Variants in UNC5D observed in about 807,000 individuals in gnomAD.
The protein encoded by UNC5D is unc-5 netrin receptor D.
Under a neutral mutation model 105.4 loss-of-function variants are expected in UNC5D, and 39 were observed. The observed-to-expected ratio is 0.37, with a 90% CI of 0.29 to 0.48. The LOEUF (loss-of-function observed/expected upper bound fraction) is 0.48, where lower values mean the gene tolerates loss of function less well. Ranked by LOEUF, UNC5D falls within the 20% of genes least tolerant of loss-of-function variation. The pLI, the probability that UNC5D is intolerant of heterozygous loss-of-function variation, is 0.98. For missense variants in UNC5D, 991 were observed against 1,202.4 expected (o/e 0.82, Z 2.60); for synonymous variants, 452 against 450.4 (o/e 1.00, Z -0.04).
At chr8:35,450,781 A>C (rs1330312053) in intron 1 of UNC5D, among the ~76,000 whole-genome samples, 2 of 152,128 alleles carry the variant, frequency 1.3e-5, no homozygotes, top group Non-Finnish European at 2.9e-5. Context: ...GTACCCATAC[A>C]CCTATTCTGT....
chr8:35,471,945 C>G (rs1809760509), intron 1 of UNC5D, among the ~76,000 whole-genome samples: 1 of 151,294 alleles, frequency 6.6e-6, no homozygotes, highest in Non-Finnish European at 1.5e-5. Context: ...ACAAAATAAG[C>G]AGATATCTCA....
At chr8:35,450,451 A>G (rs1222135156) in intron 1 of UNC5D, among the ~76,000 whole-genome samples, 2 of 152,152 alleles carry the variant, frequency 1.3e-5, no homozygotes, top group Non-Finnish European at 2.9e-5. Context: ...TAATATCAAG[A>G]TTGTTTTTTT....
intron 2 of UNC5D, among the ~76,000 whole-genome samples, chr8:35,554,453 C>G (rs1240085638): frequency 6.6e-6 from 1 of 152,184 alleles, no homozygotes; most frequent in Non-Finnish European, 1.5e-5. Flanking sequence ...ACTCGTCTTC[C>G]TTGTGTTGTT....
At chr8:35,358,960 G>T (rs987392687) in intron 1 of UNC5D, among the ~76,000 whole-genome samples, 4 of 152,162 alleles carry the variant, frequency 2.6e-5, no homozygotes, top group African/African-American at 9.7e-5. Flanking sequence ...CCCATGAATA[G>T]ATAAGGTACA....
chr8:35,284,682 A>G (rs1438923097), intron 1 of UNC5D, among the ~76,000 whole-genome samples: 1 of 151,932 alleles, frequency 6.6e-6, no homozygotes, highest in Non-Finnish European at 1.5e-5. Context: ...AGCCTCCTGG[A>G]TAGCTGATAC....
chr8:35,760,135 C>T (rs756980903), intron 14 of UNC5D, among the ~76,000 whole-genome samples: 2 of 151,524 alleles, frequency 1.3e-5, no homozygotes, highest in Non-Finnish European at 2.9e-5. Flanking sequence ...CCTCCGCCTC[C>T]CGAGTTCAAG....
intron 1 of UNC5D, among the ~76,000 whole-genome samples, chr8:35,239,750 C>T (rs963464281): frequency 4.0e-5 from 6 of 151,820 alleles, no homozygotes. Flanking sequence ...TCTTCTCTTC[C>T]TTCCTCCTCC....
intron 2 of UNC5D, among the ~76,000 whole-genome samples, chr8:35,557,503 A>G (rs1816637166): frequency 3.9e-5 from 6 of 152,194 alleles, no homozygotes; most frequent in Admixed American, 3.9e-4. Context: ...AAAATGAAAC[A>G]TTGTTCTGCC....
chr8:35,391,747 G>A lies in UNC5D; in HGVS notation c.103+155860G>A, dbSNP rs563611292. On this transcript the variant is annotated intron_variant, in intron 1 of 16. Coordinates refer to ENST00000404895, the MANE Select transcript of UNC5D (RefSeq NM_080872.4). Reference sequence around the variant, plus strand: ...AAAAGCCTGGGGTGAGTGATTTGGGGGCAAGTCTCGCAAAGTGAGGATGAT... The same window carrying A: ...AAAAGCCTGGGGTGAGTGATTTGGGAGCAAGTCTCGCAAAGTGAGGATGAT... Among the ~76,000 whole-genome samples, 401 of 152,228 alleles carry A rather than the reference G, an allele frequency of 2.6e-3. 2 individuals are homozygous for A. The highest frequency in any genetic ancestry group is 9.0e-3 in the African/African-American group (375 of 41,542).
At chr8:35,559,083 C>G (rs1294197392) in intron 2 of UNC5D, among the ~76,000 whole-genome samples, 1 of 152,140 alleles carries the variant, frequency 6.6e-6, no homozygotes, top group Non-Finnish European at 1.5e-5. Context: ...TGAAGTTGTA[C>G]TGGAGTAATT....
intron 1 of UNC5D, among the ~76,000 whole-genome samples, chr8:35,535,062 T>C (rs1480463791): frequency 6.6e-6 from 1 of 152,168 alleles, no homozygotes; most frequent in Non-Finnish European, 1.5e-5. Flanking sequence ...TCAAAACCTG[T>C]ACAGTAGTAA....
At chr8:35,689,105 A>G (rs890148464) in intron 7 of UNC5D, among the ~76,000 whole-genome samples, 1 of 152,208 alleles carries the variant, frequency 6.6e-6, no homozygotes, top group Non-Finnish European at 1.5e-5. Flanking sequence ...TTATAGTCAT[A>G]GTAATAACCT....
At chr8:35,587,525 C>G (rs1292054010) in intron 3 of UNC5D, among the ~76,000 whole-genome samples, 1 of 152,200 alleles carries the variant, frequency 6.6e-6, no homozygotes, top group Admixed American at 6.5e-5. Flanking sequence ...TATCTTCCAG[C>G]TGCCAGAAAT....
chr8:35,467,127 G>A lies in UNC5D; in HGVS notation c.104-82165G>A, dbSNP rs116399027. On this transcript the variant is annotated intron_variant, in intron 1 of 16. Coordinates refer to ENST00000404895, the MANE Select transcript of UNC5D (RefSeq NM_080872.4). ...CTTGTGACGCTTTCTCAGACAAGCA[G>A]GTTTTGAGTGTGTAAGTTCAGAAAT... is the stretch of plus-strand genomic sequence containing the variant. Among the ~76,000 whole-genome samples the A allele has an allele frequency of 4.1e-3, 625 of 152,268 alleles. 7 individuals are homozygous for A. The highest frequency in any genetic ancestry group is 0.014 in the African/African-American group (589 of 41,558).
chr8:35,581,282 C>T (rs752697334), intron 3 of UNC5D, among the ~76,000 whole-genome samples: 26 of 152,196 alleles, frequency 1.7e-4, no homozygotes, highest in South Asian at 4.2e-4. Context: ...TGGAGTCTTT[C>T]GCTCCAGGGC....
chr8:35,447,323 G>C (rs1807864123), intron 1 of UNC5D, among the ~76,000 whole-genome samples: 1 of 151,942 alleles, frequency 6.6e-6, no homozygotes, highest in Non-Finnish European at 1.5e-5. Flanking sequence ...AGCATTCAGG[G>C]GGTTAATTAA....
At chr8:35,350,068 T>A (rs770140902) in intron 1 of UNC5D, among the ~76,000 whole-genome samples, 12 of 151,928 alleles carry the variant, frequency 7.9e-5, no homozygotes, top group African/African-American at 2.9e-4. Flanking sequence ...TAAATTAATT[T>A]ATTTTTTTTG....
Position 35,683,574 on chromosome 8 carries a change from A to C in UNC5D, c.598A>C (p.Ile200Leu). 6.4e-7 allele frequency: 1 copy of C among 1,567,748 alleles called. No homozygotes were observed. Among genetic ancestry groups the C allele is most frequent in the Non-Finnish European group, 8.6e-7 (1 of 1,163,768 alleles). ...EVEWLKNEEP[I>L]DSEQDENIDT... ...GGAATGGCTGAAAAATGAAGAGCCC[A>C]TTGACTCTGAACAAGACGAGAACAT... is the stretch of plus-strand genomic sequence containing the variant. The change falls in exon 5 of 17, where the codon ATT becomes CTT. Residue 200 changes from isoleucine to leucine, a missense_variant. Physicochemically the swap from Ile to Leu is conservative, Grantham distance 5. Coordinates refer to ENST00000404895, the MANE Select transcript of UNC5D (RefSeq NM_080872.4).
At chr8:35,371,176 GCA>G (rs10563262) in intron 1 of UNC5D, among the ~76,000 whole-genome samples, 4,847 of 149,026 alleles carry the variant, frequency 0.033, 106 homozygotes, top group African/African-American at 0.069. Flanking sequence ...TTGTGCCACT[GCA>G]CACACACACA....
Sources: gnomAD v4.1 joint callset for allele counts (sites outside exome capture counted in the v4.1 genomes callset) on GRCh38, gnomAD v4.1.1 for gene constraint, MANE v1.5 for transcripts, NCBI Gene and HGNC (gene_info 2026-07-23, HGNC 2026-07-21) for gene names.